MEX3D: variants seen among roughly 807,000 people sequenced by gnomAD.
MEX3D encodes RNA-binding protein MEX3D.
Under a neutral mutation model 6.3 loss-of-function variants are expected in MEX3D, and 4 were observed. That is an observed-to-expected ratio of 0.64 (90% CI 0.31 to 1.46). The LOEUF is 1.46. MEX3D is among the 40% of genes most tolerant of loss of function. The probability of loss-of-function intolerance (pLI) is 0.07; values close to 1 mark genes in which losing one functional copy is unlikely to be tolerated. For missense variants in MEX3D, 1,038 were observed against 994.4 expected, an observed-to-expected ratio of 1.04 and a Z score of -0.59; for synonymous variants, 626 against 494.1, an observed-to-expected ratio of 1.27 and a Z score of -3.54.
chr19:1,556,139 C>T lies in MEX3D; in HGVS notation c.1380G>A (p.Leu460=). 2.7e-6 allele frequency: 4 copies of T among 1,473,660 alleles called. No individual in the cohort carries two copies. Among genetic ancestry groups the T allele is most frequent in the Non-Finnish European group, 1.8e-6 (2 of 1,112,094 alleles). The allele number at this position is 1,473,660 out of a possible 1,614,324, so 91.3% of individuals were successfully genotyped here. ...CGGCGGGCACGGTCAGGTCCAGCGC[C>T]AGGAAGTCGAAGTCGAAGCCGAAGT... ...DCDFGFDFDF[L]ALDLTVPAAA... Residue 460 remains leucine, a synonymous_variant, in exon 2 of 2, where the codon CTG becomes CTA. Transcript: ENST00000402693. The surrounding 1 kb of genome is among the most constrained non-coding windows in gnomAD (Gnocchi z 7.5).
Position 1,568,005 on chromosome 19 carries a change from G to A in MEX3D, c.54C>T (p.Gly18=). ...PDGGGGGGGG[G]GGVGAAGEDP... ...CCTCCCCCGCCGCCCCCACGCCGCC[G>A]CCGCCGCCGCCCCCGCCCCCGCCGC... is the stretch of plus-strand genomic sequence containing the variant. The change falls in exon 1 of 2, where the codon GGC becomes GGT. Residue 18 remains glycine (G), a synonymous_variant. Transcript: ENST00000402693. 2 of 977,346 alleles carry A rather than the reference G, an allele frequency of 2.0e-6. No homozygotes were observed. The highest frequency in any genetic ancestry group is 2.4e-6 in the Non-Finnish European group (2 of 826,952). 60.5% of individuals were successfully genotyped at this position (977,346 alleles called of 1,614,324 possible). A position where few individuals can be genotyped will look rare whatever the true frequency, so the allele number is the denominator to read the frequency against.
At chr19:1,559,865 G>T (rs1458088174) in intron 1 of MEX3D, among the ~76,000 whole-genome samples, 1 of 152,120 alleles carries the variant, frequency 6.6e-6, no homozygotes, top group East Asian at 1.9e-4. Context: ...GAGGACAGCA[G>T]TTTTCCCGCC....
rs1033152683 is a variant in MEX3D at position 1,567,249 on chromosome 19, G to C, written c.595+215C>G. On this transcript the variant is annotated intron_variant, in intron 1 of 1. Transcript: ENST00000402693. This position sits in a 1 kb window ranked among gnomAD's most constrained non-coding sequence, Gnocchi z 6.5. ...CCAGACAAAGGCGGCGGCGGGGCCG[G>C]AGCGCGCAGGGGAGGAGCGCGGGCT... Among the ~76,000 whole-genome samples, 114 of 151,706 alleles carry C rather than the reference G, an allele frequency of 7.5e-4. No homozygotes were observed. Among genetic ancestry groups the C allele is most frequent in the Non-Finnish European group, 1.2e-3 (82 of 67,828 alleles).
At chr19:1,564,532 C>CAAAA (rs75476631) in intron 1 of MEX3D, among the ~76,000 whole-genome samples, 205 of 68,216 alleles carry the variant, frequency 3.0e-3, no homozygotes, top group African/African-American at 0.011. Flanking sequence ...GACTCCATCC[C>CAAAA]AAAAAAAAAA....
At chr19:1,559,695 T>C (rs1441827442) in intron 1 of MEX3D, among the ~76,000 whole-genome samples, 1 of 152,144 alleles carries the variant, frequency 6.6e-6, no homozygotes, top group Non-Finnish European at 1.5e-5. Context: ...TCTCCCACAG[T>C]GCAAGAGATG....
At chr19:1,566,420 G>GC (rs1323409463) in intron 1 of MEX3D, among the ~76,000 whole-genome samples, 1 of 152,182 alleles carries the variant, frequency 6.6e-6, no homozygotes, top group East Asian at 1.9e-4. Flanking sequence ...TGCAATCCCA[G>GC]CCCCCCACAC....
chr19:1,555,374 G>T lies in MEX3D; in HGVS notation c.*189C>A, dbSNP rs1438243782. On this transcript the variant is annotated 3_prime_UTR_variant, in exon 2 of 2. Transcript: ENST00000402693. ...GGCTGAGGCGCCGCCGGGCTGCGGG[G>T]TCTCCGTCTCCACGCCTGAGGCGGC... 22 of 1,600,350 alleles carry T rather than the reference G, an allele frequency of 1.4e-5. No homozygotes were observed. Among genetic ancestry groups the T allele is most frequent in the East Asian group, 2.3e-5 (1 of 43,486 alleles).
Position 1,555,812 on chromosome 19 carries a change from C to T in MEX3D, c.1707G>A (p.Ala569=), listed in dbSNP as rs1265421479. ...STATSLPSSP[A]AAACAPLDSG... is the part of the protein sequence containing the mutation. ...AGTCCAGGGGGGCGCAGGCGGCGGC[C>T]GCGGGGCTGCTGGGCAGCGAGGTGG... Residue 569 remains alanine, a synonymous_variant, in exon 2 of 2, where the codon GCG becomes GCA. Coordinates refer to ENST00000402693, the MANE Select transcript of MEX3D (RefSeq NM_203304.4). 2.9e-6 allele frequency: 4 copies of T among 1,372,692 alleles called. No individual in the cohort carries two copies. The highest frequency in any genetic ancestry group is 6.3e-5 in the East Asian group (2 of 31,898). The allele number at this position is 1,372,692 out of a possible 1,614,324, so 85.0% of individuals were successfully genotyped here. A position where few individuals can be genotyped will look rare whatever the true frequency, so the allele number is the denominator to read the frequency against.
chr19:1,567,406 C>T lies in MEX3D; in HGVS notation c.595+58G>A, dbSNP rs900763745. The T allele has an allele frequency of 8.0e-6, 12 of 1,491,598 alleles. No individual in the cohort carries two copies. Among genetic ancestry groups the T allele is most frequent in the Admixed American group, 2.2e-5 (1 of 45,680 alleles). 92.4% of individuals were successfully genotyped at this position (1,491,598 alleles called of 1,614,324 possible). A position where few individuals can be genotyped will look rare whatever the true frequency, so the allele number is the denominator to read the frequency against. Reference sequence around the variant, plus strand: ...GGGCTGGGCTCGGGCGACCCCCTTCCCCGGGGCGGACGGTGCGGGGACCCC... The same window carrying T: ...GGGCTGGGCTCGGGCGACCCCCTTCTCCGGGGCGGACGGTGCGGGGACCCC... On this transcript the variant is annotated intron_variant, in intron 1 of 1. Coordinates refer to ENST00000402693, the MANE Select transcript of MEX3D (RefSeq NM_203304.4). The surrounding 1 kb of genome is among the most constrained non-coding windows in gnomAD (Gnocchi z 6.5).
Position 1,556,457 on chromosome 19 carries a change from G to T in MEX3D, c.1062C>A (p.Phe354Leu). The T allele has an allele frequency of 6.3e-7, 1 of 1,599,334 alleles. No homozygotes were observed. The highest frequency in any genetic ancestry group is 1.3e-5 in the African/African-American group (1 of 74,824). The change falls in exon 2 of 2, where the codon TTC becomes TTA. Residue 354 changes from phenylalanine to leucine, a missense_variant. By Grantham distance (22) the Phe-to-Leu change is conservative. This residue lies in a region of MEX3D where 581 missense variants were observed against 516.2 expected (regional missense o/e 1.13). Coordinates refer to ENST00000402693, the MANE Select transcript of MEX3D (RefSeq NM_203304.4). This position sits in a 1 kb window ranked among gnomAD's most constrained non-coding sequence, Gnocchi z 7.5. ...GGCAGACGTCGGTGCCGTTGGCGTG[G>T]AAGTCGCTGTCGGGGCCCGCGTCGG... The part of the protein sequence containing the change: ...AFTDAGPDSD[F>L]HANGTDVCLD...
intron 1 of MEX3D, among the ~76,000 whole-genome samples, chr19:1,559,732 G>T (rs1342929427): frequency 6.6e-6 from 1 of 152,156 alleles, no homozygotes; most frequent in African/African-American, 2.4e-5. Flanking sequence ...CACTTTTGAC[G>T]GGGAAGAAGT....
rs762880033 is a variant in MEX3D at position 1,556,178 on chromosome 19, G to C, written c.1341C>G (p.Ala447=). The C allele has an allele frequency of 4.5e-5, 66 of 1,463,358 alleles. No individual in the cohort carries two copies. Among genetic ancestry groups the C allele is most frequent in the Non-Finnish European group, 5.7e-5 (63 of 1,107,970 alleles). 90.6% of individuals were successfully genotyped at this position (1,463,358 alleles called of 1,614,324 possible). The part of the protein sequence containing the change: ...EGPGAPVGTA[A]PDDCDFGFDF... ...CGAAGCCGAAGTCGCAGTCGTCGGG[G>C]GCGGCCGTCCCCACCGGGGCACCGG... The change falls in exon 2 of 2, where the codon GCC becomes GCG. Residue 447 remains alanine (A), a synonymous_variant. Transcript: ENST00000402693. The surrounding 1 kb of genome is among the most constrained non-coding windows in gnomAD (Gnocchi z 7.5).
At position 1,556,104 on chromosome 19, in the gene MEX3D, A is replaced by T. The variant is rs1170260594; in HGVS notation, c.1415T>A (p.Ile472Asn). 6.9e-7 allele frequency: 1 copy of T among 1,448,698 alleles called. No individual in the cohort carries two copies. Among genetic ancestry groups the T allele is most frequent in the Non-Finnish European group, 9.1e-7 (1 of 1,100,016 alleles). 89.7% of individuals were successfully genotyped at this position (1,448,698 alleles called of 1,614,324 possible). The stretch of plus-strand genomic sequence containing the variant: ...GGCGGCGCGCTCAAAAGGCGCCCAG[A>T]TGGTGGCCGCGGCGGGCACGGTCAG... ...LDLTVPAAAT[I>N]WAPFERAAPL... The change falls in exon 2 of 2, where the codon ATC becomes AAC. Residue 472 changes from isoleucine to asparagine, a missense_variant. Coordinates refer to ENST00000402693, the MANE Select transcript of MEX3D (RefSeq NM_203304.4). The surrounding 1 kb of genome is among the most constrained non-coding windows in gnomAD (Gnocchi z 7.5).
intron 1 of MEX3D, among the ~76,000 whole-genome samples, chr19:1,563,421 T>C (rs547304343): frequency 1.1e-4 from 17 of 152,230 alleles, no homozygotes; most frequent in African/African-American, 4.1e-4. Context: ...CACTCACTCA[T>C]TCATTCATTC....
In MEX3D at chr19:1,555,447, C is replaced by G; in HGVS notation, c.*116G>C. The G allele has an allele frequency of 6.9e-7, 1 of 1,457,244 alleles. No individual in the cohort carries two copies. Among genetic ancestry groups the G allele is most frequent in the Non-Finnish European group, 9.2e-7 (1 of 1,088,618 alleles). 90.3% of individuals were successfully genotyped at this position (1,457,244 alleles called of 1,614,324 possible). A position where few individuals can be genotyped will look rare whatever the true frequency, so the allele number is the denominator to read the frequency against. On this transcript the variant is annotated 3_prime_UTR_variant, in exon 2 of 2. Transcript: ENST00000402693. ...CTGGCCGCCGCCCACCCCCCTGCCC[C>G]CTCGGCCTCCGCCCCTCGCCCCCTC...
chr19:1,566,704 G>A (rs1914850461), intron 1 of MEX3D, among the ~76,000 whole-genome samples: 1 of 152,048 alleles, frequency 6.6e-6, no homozygotes, highest in African/African-American at 2.4e-5. Context: ...CAGCTCGGGG[G>A]CCAATGAGCA....
chr19:1,556,715 G>C lies in MEX3D; in HGVS notation c.804C>G (p.Pro268=). 2 of 1,611,098 alleles carry C rather than the reference G, an allele frequency of 1.2e-6. No homozygotes were observed. Among genetic ancestry groups the C allele is most frequent in the Admixed American group, 1.7e-5 (1 of 59,912 alleles). ...GGLPGAAQGP[P]NLPGQTTIQV... ...GGATGGTGGTCTGTCCGGGAAGGTTGGGCGGGCCCTGGGCGGCGCCGGGCA... is the reference window on the plus strand; with the variant it reads ...GGATGGTGGTCTGTCCGGGAAGGTTCGGCGGGCCCTGGGCGGCGCCGGGCA... Residue 268 remains proline (P), a synonymous_variant, in exon 2 of 2, where the codon CCC becomes CCG. Transcript: ENST00000402693. The surrounding 1 kb of genome is among the most constrained non-coding windows in gnomAD (Gnocchi z 7.5).
At position 1,567,359 on chromosome 19, in the gene MEX3D, TGCGGGGCGTCCGGC is replaced by T; in HGVS notation, c.595+91_595+104del. 1 of 1,282,786 alleles carries T rather than the reference TGCGGGGCGTCCGGC, an allele frequency of 7.8e-7. No individual in the cohort carries two copies. The highest frequency in any genetic ancestry group is 1.0e-6 in the Non-Finnish European group (1 of 993,960). The allele number at this position is 1,282,786 out of a possible 1,614,324, so 79.5% of individuals were successfully genotyped here. A position where few individuals can be genotyped will look rare whatever the true frequency, so the allele number is the denominator to read the frequency against. ...CGGAGCCCACGCGGGGCGTGTCCGG[TGCGGGGCGTCCGGC>T]GCGGGCTGGGCTGGGCTCGGGCGAC... On this transcript the variant is annotated intron_variant, in intron 1 of 1. Coordinates refer to ENST00000402693, the MANE Select transcript of MEX3D (RefSeq NM_203304.4). The surrounding 1 kb of genome is among the most constrained non-coding windows in gnomAD (Gnocchi z 6.5).
Position 1,567,426 on chromosome 19 carries a change from G to A in MEX3D, c.595+38C>T. ...CCTTCCCCGGGGCGGACGGTGCGGG[G>A]ACCCCCAGGACAGCAACCCCCGACG... is the stretch of plus-strand genomic sequence containing the variant. On this transcript the variant is annotated intron_variant, in intron 1 of 1. Coordinates refer to ENST00000402693, the MANE Select transcript of MEX3D (RefSeq NM_203304.4). This position sits in a 1 kb window ranked among gnomAD's most constrained non-coding sequence, Gnocchi z 6.5. 2 of 1,536,000 alleles carry A rather than the reference G, an allele frequency of 1.3e-6. No individual in the cohort carries two copies. Among genetic ancestry groups the A allele is most frequent in the Non-Finnish European group, 1.7e-6 (2 of 1,146,404 alleles).
Sources: gnomAD v4.1 joint callset for allele counts (sites outside exome capture counted in the v4.1 genomes callset) on GRCh38, gnomAD v4.1.1 for gene constraint, gnomAD v4.1.1 regional missense constraint, Gnocchi (gnomAD v3.1) non-coding constraint, MANE v1.5 for transcripts, NCBI Gene and HGNC (gene_info 2026-07-23, HGNC 2026-07-21) for gene names.